Variants in ARHGAP39 observed in about 807,000 individuals in gnomAD.
The protein encoded by ARHGAP39 is rho GTPase-activating protein 39.
A neutral mutation model predicts 106.9 loss-of-function variants in ARHGAP39; 44 were observed. That is an observed-to-expected ratio of 0.41 (90% confidence interval 0.32 to 0.53). The LOEUF is 0.53. Ranked by LOEUF, ARHGAP39 falls within the 20% of genes least tolerant of loss-of-function variation. ARHGAP39 has a pLI of 0.21. For synonymous variants in ARHGAP39, 768 were observed against 693.2 expected (o/e 1.11, Z -1.69); for missense variants, 1,496 against 1,577.3 (o/e 0.95, Z 0.87).
At chr8:144,651,903 C>T (rs138812224) in intron 1 of ARHGAP39, among the ~76,000 whole-genome samples, 4 of 152,040 alleles carry the variant, frequency 2.6e-5, no homozygotes, top group African/African-American at 4.8e-5. Flanking sequence ...AACCCTTACA[C>T]CATATACAAA....
intron 1 of ARHGAP39, among the ~76,000 whole-genome samples, chr8:144,659,607 T>G (rs930221678): frequency 6.6e-6 from 1 of 152,226 alleles, no homozygotes; most frequent in Non-Finnish European, 1.5e-5. Flanking sequence ...GGACATTTTC[T>G]AGACTATTTC....
chr8:144,573,465 G>A (rs1818656946), intron 3 of ARHGAP39, among the ~76,000 whole-genome samples: 2 of 151,718 alleles, frequency 1.3e-5, no homozygotes, highest in Admixed American at 1.3e-4. Context: ...GGGGGGTGGG[G>A]GGCTGGGGGA....
chr8:144,669,975 CAT>C (rs1244109406), intron 1 of ARHGAP39, among the ~76,000 whole-genome samples: 1 of 152,184 alleles, frequency 6.6e-6, no homozygotes, highest in South Asian at 2.1e-4. Context: ...CAAAAGTAAA[CAT>C]AGAATTACCA....
Position 144,646,084 on chromosome 8 carries a change from G to A in ARHGAP39, c.-82+39602C>T, listed in dbSNP as rs1173831515. Among the ~76,000 whole-genome samples the A allele has an allele frequency of 6.6e-6, 1 of 152,188 alleles. No homozygotes were observed. The highest frequency in any genetic ancestry group is 2.4e-5 in the African/African-American group (1 of 41,446). ...GCTGGGCGTCCCCCGGAGCTGCACT[G>A]GTCACCCCTCCCCACCGGTGGCACC... On this transcript the variant is annotated intron_variant, in intron 1 of 11. Transcript: ENST00000377307. This position sits in a 1 kb window ranked among gnomAD's most constrained non-coding sequence, Gnocchi z 5.7.
At chr8:144,543,914 A>C (rs2130835224) in intron 6 of ARHGAP39, 1 of 152,240 alleles carries the variant, frequency 6.6e-6, no homozygotes, top group East Asian at 1.9e-4. Flanking sequence ...TGCTGTGCTG[A>C]GCAGTGGGGG....
intron 1 of ARHGAP39, among the ~76,000 whole-genome samples, chr8:144,667,568 T>G (rs1268248647): frequency 2.0e-5 from 3 of 152,256 alleles, no homozygotes; most frequent in Non-Finnish European, 4.4e-5. Flanking sequence ...CTGGGACATC[T>G]TCTGTGTACA....
At chr8:144,545,957 C>G (rs1817402239) in intron 5 of ARHGAP39, 147 bp from the exon 6 acceptor site, 1 of 678,142 alleles carries the variant, frequency 1.5e-6, no homozygotes, top group Non-Finnish European at 2.4e-6. Flanking sequence ...ACAAAGCTGT[C>G]TGAGGTGGGA....
intron 6 of ARHGAP39, among the ~76,000 whole-genome samples, chr8:144,544,565 G>C (rs1485455957): frequency 3.9e-5 from 6 of 152,254 alleles, no homozygotes; most frequent in Non-Finnish European, 8.8e-5. Flanking sequence ...GAGGTGGAGA[G>C]CTGCTTGCTG....
In ARHGAP39 at chr8:144,548,768, G is replaced by A. The variant is rs1817584496; in HGVS notation, c.597-279C>T. Among the ~76,000 whole-genome samples, 1 of 152,186 alleles carries A rather than the reference G, an allele frequency of 6.6e-6. No homozygotes were observed. The highest frequency in any genetic ancestry group is 2.1e-4 in the South Asian group (1 of 4,828). ...GGGCTGCTTCTGTAACTAGAACCGG[G>A]GGCGGCGTTACCAGGGCCCTTAATG... On this transcript the variant is annotated intron_variant, in intron 4 of 11. Transcript: ENST00000377307. The surrounding 1 kb of genome is among the most constrained non-coding windows in gnomAD (Gnocchi z 7.4).
intron 1 of ARHGAP39, among the ~76,000 whole-genome samples, chr8:144,608,877 C>T (rs1231922196): frequency 2.0e-5 from 3 of 152,114 alleles, no homozygotes; most frequent in Middle Eastern, 3.2e-3. Context: ...GTTGCTAATA[C>T]AGAAAAAAAT....
At position 144,666,622 on chromosome 8, in the gene ARHGAP39, T is replaced by C. The variant is rs754777507; in HGVS notation, c.-82+19064A>G. On this transcript the variant is annotated intron_variant, in intron 1 of 11. Transcript: ENST00000377307. ...GGCTTCTGCCTTTGCTTCTTTCTCA[T>C]TTTCTCTTGCTGCCGCCATGTAAGA... Among the ~76,000 whole-genome samples, 3 of 152,310 alleles carry C rather than the reference T, an allele frequency of 2.0e-5. No homozygotes were observed. In the East Asian group the frequency reaches 5.8e-4, roughly 29 times the overall value.
intron 1 of ARHGAP39, among the ~76,000 whole-genome samples, chr8:144,681,176 A>G (rs1177313466): frequency 6.6e-6 from 1 of 152,142 alleles, no homozygotes; most frequent in African/African-American, 2.4e-5. Context: ...ACTTGGGAAC[A>G]AGTCTAAGTG....
intron 2 of ARHGAP39, among the ~76,000 whole-genome samples, chr8:144,601,320 G>GCA (rs1819922124): frequency 6.7e-6 from 1 of 148,388 alleles, no homozygotes; most frequent in African/African-American, 2.5e-5. Flanking sequence ...GTGTGTGTGT[G>GCA]TGGAGGCGTG....
At chr8:144,563,313 A>G (rs540137849) in intron 3 of ARHGAP39, among the ~76,000 whole-genome samples, 1 of 152,352 alleles carries the variant, frequency 6.6e-6, no homozygotes, top group East Asian at 1.9e-4. Flanking sequence ...TGACTCAGCC[A>G]TCATTAGTTC....
intron 10 of ARHGAP39, 119 bp from the exon 11 acceptor site, chr8:144,530,990 C>T (rs1816682888): frequency 1.5e-6 from 2 of 1,292,984 alleles, no homozygotes; most frequent in African/African-American, 1.5e-5. Flanking sequence ...AGGGCCGGCT[C>T]ATTCTGGACA....
rs561165645 is a variant in ARHGAP39, at chr8:144,644,151, C to T, written c.-81-38456G>A. Among the ~76,000 whole-genome samples the T allele has an allele frequency of 1.3e-5, 2 of 152,282 alleles. No individual in the cohort carries two copies. Among genetic ancestry groups the T allele is most frequent in the African/African-American group, 2.4e-5 (1 of 41,552 alleles). ...CAGCACCATTCACAGGAGCCAAACA[C>T]AGCACAGCCCCACGTTCACCACCAG... On this transcript the variant is annotated intron_variant, in intron 1 of 11. Transcript: ENST00000377307. The surrounding 1 kb of genome is among the most constrained non-coding windows in gnomAD (Gnocchi z 4.8).
intron 9 of ARHGAP39, 122 bp downstream of exon 9, chr8:144,533,004 C>T (rs2620640): frequency 4.1e-6 from 5 of 1,231,718 alleles, no homozygotes; most frequent in Non-Finnish European, 5.6e-6. Context: ...TCCATCTGCT[C>T]TCAGGTATGG....
chr8:144,546,013 G>A (rs1269292714), intron 5 of ARHGAP39, among the ~76,000 whole-genome samples: 1 of 152,228 alleles, frequency 6.6e-6, no homozygotes, highest in African/African-American at 2.4e-5. Context: ...TGGGACGCCG[G>A]AGCCCTGTAC....
At position 144,657,700 on chromosome 8, in the gene ARHGAP39, C is replaced by T. The variant is rs1021397916; in HGVS notation, c.-82+27986G>A. ...TTAGTTTAACATTTAAAAAATCAAT[C>T]AGTGTAATTCACCATATTAACAGAC... On this transcript the variant is annotated intron_variant, in intron 1 of 11. Transcript: ENST00000377307. Among the ~76,000 whole-genome samples, 6 of 152,192 alleles carry T rather than the reference C, an allele frequency of 3.9e-5. 1 individual carries two copies. The highest frequency in any genetic ancestry group is 1.4e-4 in the African/African-American group (6 of 41,438).
Sources: gnomAD v4.1 joint callset for allele counts (sites outside exome capture counted in the v4.1 genomes callset) on GRCh38, gnomAD v4.1.1 for gene constraint, Gnocchi (gnomAD v3.1) non-coding constraint, MANE v1.5 for transcripts, NCBI Gene and HGNC (gene_info 2026-07-23, HGNC 2026-07-21) for gene names.